The following NXPH2 variants were observed in gnomAD, a reference collection of about 807,000 sequenced individuals.
NXPH2 encodes the protein neurexophilin 2.
NXPH2 carries 5 observed loss-of-function variants against 19.8 expected under a neutral mutation model. The ratio of observed to expected loss-of-function variants is 0.25; its 90% CI spans 0.13 to 0.53. The LOEUF (loss-of-function observed/expected upper bound fraction) is 0.53. Ranked by LOEUF, NXPH2 falls within the 20% of genes least tolerant of loss-of-function variation. The pLI, the probability that NXPH2 is intolerant of heterozygous loss-of-function variation, is 0.96. For synonymous variants in NXPH2, 154 were observed against 127.4 expected, an observed-to-expected ratio of 1.21 and a Z score of -1.41; for missense variants, 289 against 322.8, an observed-to-expected ratio of 0.90 and a Z score of 0.80.
chr2:138,757,669 C>T (rs570664756), intron 1 of NXPH2, among the ~76,000 whole-genome samples: 2 of 152,180 alleles, frequency 1.3e-5, no homozygotes, highest in South Asian at 4.2e-4. Flanking sequence ...GATTACCCAG[C>T]CTCTAAATTG....
Position 138,776,846 on chromosome 2 carries a change from T to C in NXPH2, c.51+3345A>G, listed in dbSNP as rs115006662. 3.9e-3 allele frequency among the ~76,000 whole-genome samples: 593 copies of C among 152,146 alleles called. 3 individuals are homozygous for C. The highest frequency in any genetic ancestry group is 0.014 in the African/African-American group (565 of 41,570). ...TTATTAGTTTTAATGTAAGTACCCTTAATAAATTATGTGGTACTAAAAAGA... is the reference window on the plus strand; with the variant it reads ...TTATTAGTTTTAATGTAAGTACCCTCAATAAATTATGTGGTACTAAAAAGA... On this transcript the variant is annotated intron_variant, in intron 1 of 1. Coordinates refer to ENST00000272641, the MANE Select transcript of NXPH2 (RefSeq NM_007226.3).
chr2:138,684,093 G>T (rs1680614200), intron 1 of NXPH2, among the ~76,000 whole-genome samples: 1 of 152,138 alleles, frequency 6.6e-6, no homozygotes, highest in Admixed American at 6.6e-5. Flanking sequence ...CATTTCTAAT[G>T]AGAATTACAG....
At chr2:138,765,126 G>T (rs1338538669) in intron 1 of NXPH2, among the ~76,000 whole-genome samples, 3 of 152,190 alleles carry the variant, frequency 2.0e-5, no homozygotes, top group Admixed American at 1.3e-4. Flanking sequence ...TTCATGCAGT[G>T]AGAAAGTTCA....
intron 1 of NXPH2, among the ~76,000 whole-genome samples, chr2:138,762,828 A>G (rs1166027287): frequency 6.6e-6 from 1 of 152,318 alleles, no homozygotes; most frequent in East Asian, 1.9e-4. Context: ...TCTACTGGAA[A>G]CAAGCTTGCT....
intron 1 of NXPH2, among the ~76,000 whole-genome samples, chr2:138,749,374 C>A (rs563808074): frequency 1.3e-5 from 2 of 152,066 alleles, no homozygotes; most frequent in Non-Finnish European, 2.9e-5. Flanking sequence ...TGGACCAACA[C>A]AACTAGTAAA....
chr2:138,727,026 A>T (rs1183914549), intron 1 of NXPH2, among the ~76,000 whole-genome samples: 1 of 152,208 alleles, frequency 6.6e-6, no homozygotes, highest in Admixed American at 6.5e-5. Flanking sequence ...TTGGAATCAT[A>T]TAGTAGAATG....
intron 1 of NXPH2, among the ~76,000 whole-genome samples, chr2:138,690,298 T>G (rs1680727968): frequency 6.6e-6 from 1 of 152,202 alleles, no homozygotes; most frequent in Admixed American, 6.5e-5. Flanking sequence ...TCCTCCATTG[T>G]CAACATGACC....
rs70982073 is a variant in NXPH2, at chr2:138,707,094, C to CAAAAAAAAA, written c.52-35438_52-35430dup. ...ATGACTTTAAGTACTTGCCCCATGA[C>CAAAAAAAAA]AAAAAAAAAAAAAAAAAAGAGCAAG... On this transcript the variant is annotated intron_variant, in intron 1 of 1. Transcript: ENST00000272641. 5.7e-3 allele frequency among the ~76,000 whole-genome samples: 200 copies of CAAAAAAAAA among 34,830 alleles called. 23 individuals are homozygous for CAAAAAAAAA. The highest frequency in any genetic ancestry group is 7.5e-3 in the African/African-American group (94 of 12,510). The allele number at this position is 34,830 out of a possible 152,430, so 22.8% of individuals were successfully genotyped here.
intron 1 of NXPH2, among the ~76,000 whole-genome samples, chr2:138,694,184 T>C (rs1201576253): frequency 1.3e-5 from 2 of 152,212 alleles, no homozygotes; most frequent in Admixed American, 6.6e-5. Context: ...TTTCCTCTAA[T>C]GCTTCCTCAG....
At chr2:138,726,000 C>G (rs189478201) in intron 1 of NXPH2, among the ~76,000 whole-genome samples, 7 of 152,240 alleles carry the variant, frequency 4.6e-5, no homozygotes, top group Non-Finnish European at 1.0e-4. Context: ...CTTCAGCATT[C>G]ATAACACCTC....
At chr2:138,675,952 CAT>C (rs969421025) in intron 1 of NXPH2, among the ~76,000 whole-genome samples, 1 of 43,280 alleles carries the variant, frequency 2.3e-5, no homozygotes, top group Non-Finnish European at 4.3e-5. Flanking sequence ...CATATATATA[CAT>C]ATGTGTGTGT....
At chr2:138,679,796 A>C (rs1163960464) in intron 1 of NXPH2, among the ~76,000 whole-genome samples, 1 of 152,188 alleles carries the variant, frequency 6.6e-6, no homozygotes, top group African/African-American at 2.4e-5. Context: ...ATCAGTTTAG[A>C]AATATTTCCA....
intron 1 of NXPH2, among the ~76,000 whole-genome samples, chr2:138,773,806 A>G (rs1249872906): frequency 1.3e-5 from 2 of 152,166 alleles, no homozygotes; most frequent in Non-Finnish European, 2.9e-5. Context: ...AAAAGCAGCA[A>G]TATCTCAAAG....
chr2:138,736,660 C>T (rs573052312), intron 1 of NXPH2, among the ~76,000 whole-genome samples: 2 of 152,340 alleles, frequency 1.3e-5, no homozygotes, highest in East Asian at 1.9e-4. Context: ...GTTACTTATG[C>T]AAATTTCTGC....
At chr2:138,748,852 T>G (rs1319156417) in intron 1 of NXPH2, among the ~76,000 whole-genome samples, 1 of 152,082 alleles carries the variant, frequency 6.6e-6, no homozygotes, top group African/African-American at 2.4e-5. Flanking sequence ...AAAATAAAAT[T>G]ATGCATTGTG....
At chr2:138,761,155 C>T (rs1682008454) in intron 1 of NXPH2, among the ~76,000 whole-genome samples, 1 of 152,068 alleles carries the variant, frequency 6.6e-6, no homozygotes, top group Admixed American at 6.5e-5. Context: ...ACCATCTGCC[C>T]CCACCCTCAT....
intron 1 of NXPH2, among the ~76,000 whole-genome samples, chr2:138,696,945 C>A (rs1367863876): frequency 6.6e-6 from 1 of 151,748 alleles, no homozygotes; most frequent in Non-Finnish European, 1.5e-5. Flanking sequence ...AAATAGTAAA[C>A]CTATCAGATA....
chr2:138,706,666 C>T (rs1475913716), intron 1 of NXPH2, among the ~76,000 whole-genome samples: 1 of 152,106 alleles, frequency 6.6e-6, no homozygotes, highest in Non-Finnish European at 1.5e-5. Flanking sequence ...AATCCCAGCA[C>T]TTTTGGAGGC....
chr2:138,696,480 C>T (rs1008390321), intron 1 of NXPH2, among the ~76,000 whole-genome samples: 6 of 151,988 alleles, frequency 3.9e-5, no homozygotes, highest in African/African-American at 1.5e-4. Flanking sequence ...TACACATGGC[C>T]CATATGCTCA....
Sources: gnomAD v4.1 joint callset for allele counts (sites outside exome capture counted in the v4.1 genomes callset) on GRCh38, gnomAD v4.1.1 for gene constraint, MANE v1.5 for transcripts, NCBI Gene and HGNC (gene_info 2026-07-23, HGNC 2026-07-21) for gene names.